The following POLR1A variants were observed in gnomAD, a reference collection of about 807,000 sequenced individuals.
POLR1A encodes DNA-directed RNA polymerase I subunit RPA1.
Under a neutral mutation model 205.3 loss-of-function variants are expected in POLR1A, and 84 were observed. The ratio of observed to expected loss-of-function variants is 0.41; its 90% CI spans 0.34 to 0.49. POLR1A has a LOEUF of 0.49. Ranked by LOEUF, POLR1A falls within the 20% of genes least tolerant of loss-of-function variation. The pLI is 0.22. For missense variants in POLR1A, 1,645 were observed against 2,204.5 expected (o/e 0.75, Z 5.08); for synonymous variants, 799 against 863.7 (o/e 0.93, Z 1.31).
At chr2:86,085,295 G>T (rs1673485160) in intron 6 of POLR1A, among the ~76,000 whole-genome samples, 1 of 152,184 alleles carries the variant, frequency 6.6e-6, no homozygotes, top group Admixed American at 6.5e-5. Context: ...ACAACACTGT[G>T]AGTATTCTAA....
chr2:86,085,823 C>A (rs915442988), intron 6 of POLR1A, among the ~76,000 whole-genome samples: 14 of 152,204 alleles, frequency 9.2e-5, no homozygotes, highest in Admixed American at 7.9e-4. Context: ...TTTCTTTCAG[C>A]TGTAAGAGGT....
rs1435973751 is a variant in POLR1A at position 86,070,203 on chromosome 2, T to G, written c.1681A>C (p.Ile561Leu). 6.2e-7 allele frequency: 1 copy of G among 1,613,916 alleles called. No homozygotes were observed. The highest frequency in any genetic ancestry group is 1.3e-5 in the African/African-American group (1 of 74,866). ...AGGATGCGGGCACGGTGGGCCTGGATGGAGGGTCTGTGCAGTGTGGGCTGT... is the reference window on the plus strand; with the variant it reads ...AGGATGCGGGCACGGTGGGCCTGGAGGGAGGGTCTGTGCAGTGTGGGCTGT... Reference protein sequence around the residue: ...NRQPTLHRPSIQAHRARILPE... With the variant: ...NRQPTLHRPSLQAHRARILPE... Residue 561 changes from isoleucine (I) to leucine (L), a missense_variant, in exon 13 of 34, where the codon ATC (isoleucine) becomes CTC (leucine). Around this residue, in one of 16 missense-constraint regions of POLR1A, gnomAD observed 0 missense variants for 19.7 expected, o/e 0.00. Coordinates refer to ENST00000263857, the MANE Select transcript of POLR1A (RefSeq NM_015425.6). The surrounding 1 kb of genome is among the most constrained non-coding windows in gnomAD (Gnocchi z 4.4).
chr2:86,101,733 C>T (rs1673825508), intron 1 of POLR1A, among the ~76,000 whole-genome samples: 1 of 152,218 alleles, frequency 6.6e-6, no homozygotes, highest in Admixed American at 6.5e-5. Flanking sequence ...ACCATCACCA[C>T]TCTCCATCTG....
At position 86,054,273 on chromosome 2, in the gene POLR1A, A is replaced by T; in HGVS notation, c.2075T>A (p.Leu692His). Residue 692 changes from leucine to histidine, a missense_variant, in exon 15 of 34, where the codon CTC becomes CAC. Leu to His is a moderately conservative substitution (Grantham distance 99). Transcript: ENST00000263857. ...WTGKQVVSTLLINIIPEDHIP... is the reference protein window; with the variant it reads ...WTGKQVVSTLHINIIPEDHIP... ...GTGGTCCTCTGGGATTATATTTATG[A>T]GCAGCGTTGACACAACCTGCAAAGA... 1 of 1,614,086 alleles carries T rather than the reference A, an allele frequency of 6.2e-7. No homozygotes were observed. The highest frequency in any genetic ancestry group is 8.5e-7 in the Non-Finnish European group (1 of 1,179,956).
chr2:86,093,986 G>A (rs1180038050), intron 3 of POLR1A, among the ~76,000 whole-genome samples: 1 of 152,146 alleles, frequency 6.6e-6, no homozygotes, highest in Non-Finnish European at 1.5e-5. Flanking sequence ...TCCCTCGATT[G>A]CGGGCATGTC....
chr2:86,049,682 A>C (rs1672767816), intron 16 of POLR1A, among the ~76,000 whole-genome samples: 1 of 152,196 alleles, frequency 6.6e-6, no homozygotes, highest in African/African-American at 2.4e-5. Context: ...CAGAAGTCAC[A>C]TGTCACAGGG....
At chr2:86,104,389 C>T (rs754799803) in intron 1 of POLR1A, among the ~76,000 whole-genome samples, 44 of 151,098 alleles carry the variant, frequency 2.9e-4, no homozygotes, top group African/African-American at 5.8e-4. Flanking sequence ...TTTTGCACTA[C>T]GTACACCATT....
At chr2:86,077,313 C>A (rs182270554) in intron 11 of POLR1A, among the ~76,000 whole-genome samples, 1 of 152,156 alleles carries the variant, frequency 6.6e-6, no homozygotes. Context: ...AGAGCACTAA[C>A]AGGTGAACAG....
rs771255470 is a variant in POLR1A, at chr2:86,045,681, T to A, written c.2822A>T (p.Tyr941Phe). The part of the protein sequence containing the change: ...SGKSLPCFEP[Y>F]EFTPRAGGFV... ...GCCACCAGCCCTGGGGGTGAACTCATAAGGCTCAAAGCAGGGCAGTGACTT... is the reference window on the plus strand; with the variant it reads ...GCCACCAGCCCTGGGGGTGAACTCAAAAGGCTCAAAGCAGGGCAGTGACTT... The change falls in exon 20 of 34, where the codon TAT (tyrosine) becomes TTT (phenylalanine). Residue 941 changes from tyrosine to phenylalanine, a missense_variant. Tyr to Phe is a conservative substitution (Grantham distance 22). Around this residue, in one of 16 missense-constraint regions of POLR1A, gnomAD observed 339 missense variants for 415.1 expected, o/e 0.82. Transcript: ENST00000263857. 6.2e-7 allele frequency: 1 copy of A among 1,613,298 alleles called. No individual in the cohort carries two copies. The highest frequency in any genetic ancestry group is 1.3e-5 in the African/African-American group (1 of 74,730).
At chr2:86,079,072 G>T (rs917492885) in intron 9 of POLR1A, among the ~76,000 whole-genome samples, 3 of 152,100 alleles carry the variant, frequency 2.0e-5, no homozygotes, top group African/African-American at 4.8e-5. Context: ...GAAGAAACCT[G>T]TCAGTGTCTT....
At chr2:86,087,696 C>T (rs557512701) in intron 6 of POLR1A, among the ~76,000 whole-genome samples, 2 of 152,172 alleles carry the variant, frequency 1.3e-5, no homozygotes, top group East Asian at 3.9e-4. Flanking sequence ...GTGCCCGCCA[C>T]CACGCCTGGC....
intron 13 of POLR1A, 129 bp from the exon 14 acceptor site, chr2:86,065,594 A>G (rs1336227934): frequency 2.3e-5 from 17 of 726,760 alleles, no homozygotes; most frequent in East Asian, 1.1e-4. Flanking sequence ...TGTCTTGCCC[A>G]CATCCTCACT....
chr2:86,075,578 G>A (rs1328979645), intron 11 of POLR1A, among the ~76,000 whole-genome samples: 4 of 151,982 alleles, frequency 2.6e-5, no homozygotes, highest in Admixed American at 6.6e-5. Context: ...GCGCGATCTC[G>A]GCTCACCACA....
chr2:86,052,420 C>T (rs753026414), intron 16 of POLR1A, among the ~76,000 whole-genome samples: 3 of 152,104 alleles, frequency 2.0e-5, no homozygotes, highest in South Asian at 2.1e-4. Context: ...GAAATGGGCA[C>T]GAGGGTGCCA....
chr2:86,089,890 G>T lies in POLR1A; in HGVS notation c.472C>A (p.Arg158=). Residue 158 remains arginine (R), a synonymous_variant, in exon 4 of 34, where the codon CGG becomes AGG. Coordinates refer to ENST00000263857, the MANE Select transcript of POLR1A (RefSeq NM_015425.6). Reference sequence around the variant, plus strand: ...GTTGTGTATTGTTCTAATTCCTCCCGAATTTCAGAGGCAGAGGGATCGGGA... The same window carrying T: ...GTTGTGTATTGTTCTAATTCCTCCCTAATTTCAGAGGCAGAGGGATCGGGA... ...ENPDPSASEI[R]EELEQYTTEI... is the part of the protein sequence containing the mutation. 6.2e-7 allele frequency: 1 copy of T among 1,611,462 alleles called. No homozygotes were observed. Among genetic ancestry groups the T allele is most frequent in the Non-Finnish European group, 8.5e-7 (1 of 1,177,554 alleles).
At chr2:86,095,012 T>C (rs60174903) in intron 3 of POLR1A, among the ~76,000 whole-genome samples, 7,270 of 152,302 alleles carry the variant, frequency 0.048, 585 homozygotes, top group African/African-American at 0.16. Context: ...TGTGCCTTTA[T>C]CTCCAAATGA....
rs1271502506 is a variant in POLR1A, at chr2:86,020,618, A to C, written c.*6805T>G. On this transcript the variant is annotated 3_prime_UTR_variant, in exon 34 of 34. Coordinates refer to ENST00000263857, the MANE Select transcript of POLR1A (RefSeq NM_015425.6). ...GAATGGCTAAAATGTAAATGATTCC[A>C]CTTTGTAAAATAAACAATGTTAACC... The C allele has an allele frequency of 6.6e-6, 1 of 151,240 alleles. No individual in the cohort carries two copies. The highest frequency in any genetic ancestry group is 1.5e-5 in the Non-Finnish European group (1 of 67,972). The allele number at this position is 151,240 out of a possible 1,614,324, so 9.4% of individuals were successfully genotyped here. A position where few individuals can be genotyped will look rare whatever the true frequency, so the allele number is the denominator to read the frequency against.
In POLR1A at chr2:86,077,806, C is replaced by T. The variant is rs913193096; in HGVS notation, c.1380+53G>A. On this transcript the variant is annotated intron_variant, in intron 11 of 33. Transcript: ENST00000263857. ...GGGGAGCAAATGAGCCCTGCACGCG[C>T]GCGCGCACACACACACACACACACA... is the stretch of plus-strand genomic sequence containing the variant. The T allele has an allele frequency of 2.5e-4, 272 of 1,076,914 alleles. 8 individuals carry two copies. Among genetic ancestry groups the T allele is most frequent in the African/African-American group, 2.8e-4 (11 of 39,258 alleles). The allele number at this position is 1,076,914 out of a possible 1,614,324, so 66.7% of individuals were successfully genotyped here. A position where few individuals can be genotyped will look rare whatever the true frequency, so the allele number is the denominator to read the frequency against.
intron 11 of POLR1A, among the ~76,000 whole-genome samples, chr2:86,075,720 C>G (rs1316539138): frequency 6.6e-6 from 1 of 152,214 alleles, no homozygotes; most frequent in Non-Finnish European, 1.5e-5. Context: ...GCTGGTCAGG[C>G]TGGTAGCAAA....
Sources: gnomAD v4.1 joint callset for allele counts (sites outside exome capture counted in the v4.1 genomes callset) on GRCh38, gnomAD v4.1.1 for gene constraint, gnomAD v4.1.1 regional missense constraint, Gnocchi (gnomAD v3.1) non-coding constraint, MANE v1.5 for transcripts, NCBI Gene and HGNC (gene_info 2026-07-23, HGNC 2026-07-21) for gene names.